ATM: variants seen among roughly 807,000 people sequenced by gnomAD.
The protein encoded by ATM is ATM serine/threonine kinase, also known as serine-protein kinase ATM.
Under a neutral mutation model 387.0 loss-of-function variants are expected in ATM, and 308 were observed. That is an observed-to-expected ratio of 0.80 (90% CI 0.73 to 0.87). The LOEUF is 0.87. Ranked by LOEUF, ATM falls within the 40% of genes least tolerant of loss-of-function variation. The probability of loss-of-function intolerance (pLI) is 0.00; values close to 1 mark genes in which losing one functional copy is unlikely to be tolerated. For synonymous variants in ATM, 1,156 were observed against 1,187.3 expected, an observed-to-expected ratio of 0.97 and a Z score of 0.54; for missense variants, 3,312 against 3,560.9, an observed-to-expected ratio of 0.93 and a Z score of 1.78.
chr11:108,241,738 C>CTTT (rs1235260816), intron 5 of ATM, among the ~76,000 whole-genome samples: 58 of 82,062 alleles, frequency 7.1e-4, no homozygotes, highest in East Asian at 1.3e-3. Flanking sequence ...GTCTTTCTTT[C>CTTT]TTTCTTTTTT....
rs2091440565 is a variant in ATM, at chr11:108,368,345, A to G, written c.*2837A>G. The stretch of plus-strand genomic sequence containing the variant: ...GGAACTCTTTCTGCAAATGACTAAG[A>G]TAGAAAACTGCCAAGGACAAATGAG... On this transcript the variant is annotated 3_prime_UTR_variant, in exon 63 of 63. Transcript: ENST00000675843. 1 of 212,416 alleles carries G rather than the reference A, an allele frequency of 4.7e-6. No homozygotes were observed. Among genetic ancestry groups the G allele is most frequent in the African/African-American group, 2.3e-5 (1 of 44,060 alleles). The allele number at this position is 212,416 out of a possible 1,614,324, so 13.2% of individuals were successfully genotyped here. A position where few individuals can be genotyped will look rare whatever the true frequency, so the allele number is the denominator to read the frequency against.
chr11:108,366,368 ATC>A lies in ATM; in HGVS notation c.*864_*865del, dbSNP rs758912299. ...TTTCTAATTATGCATCATTTTTCAG[ATC>A]TCTGTTTCTTGATGTCATTTTTAAT... On this transcript the variant is annotated 3_prime_UTR_variant, in exon 63 of 63. Coordinates refer to ENST00000675843, the MANE Select transcript of ATM (RefSeq NM_000051.4). The A allele has an allele frequency of 1.9e-4, 40 of 213,850 alleles. No homozygotes were observed. The highest frequency in any genetic ancestry group is 3.4e-4 in the Non-Finnish European group (36 of 106,372). 13.2% of individuals were successfully genotyped at this position (213,850 alleles called of 1,614,324 possible). A position where few individuals can be genotyped will look rare whatever the true frequency, so the allele number is the denominator to read the frequency against.
In ATM at chr11:108,334,062, G is replaced by T. The variant is rs191840075; in HGVS notation, c.8010+94G>T. On this transcript the variant is annotated intron_variant, in intron 54 of 62. Coordinates refer to ENST00000675843, the MANE Select transcript of ATM (RefSeq NM_000051.4). ...AGTATTTTTATGTAGGTCAAAATTG[G>T]TTAAATATTGGCAAATTTCATATGT... 147 of 975,790 alleles carry T rather than the reference G, an allele frequency of 1.5e-4. 2 individuals are homozygous for T. Among genetic ancestry groups the T allele is most frequent in the Non-Finnish European group, 1.3e-5 (8 of 623,300 alleles). The allele number at this position is 975,790 out of a possible 1,614,324, so 60.4% of individuals were successfully genotyped here.
At chr11:108,315,968 TGTGTGTAAAA>T in intron 41 of ATM, 33 bp from the exon 42 acceptor site, 1 of 1,608,604 alleles carries the variant, frequency 6.2e-7, no homozygotes, top group Non-Finnish European at 8.5e-7. Context: ...AGGAGTTATG[TGTGTGTAAAA>T]CCCAAAGCTA....
chr11:108,271,247 A>G lies in ATM; in HGVS notation c.2922-4A>G, dbSNP rs1555084924. The G allele has an allele frequency of 1.2e-6, 2 of 1,611,124 alleles. No homozygotes were observed. The highest frequency in any genetic ancestry group is 8.5e-7 in the Non-Finnish European group (1 of 1,179,380). ...GTTGAACTTTTTTTTTTTTTTTACC[A>G]CAGCAATGTGTGTTCTTTGTATCGT... On this transcript the variant is annotated splice_region_variant and splice_polypyrimidine_tract_variant and intron_variant, in intron 19 of 62. Coordinates refer to ENST00000675843, the MANE Select transcript of ATM (RefSeq NM_000051.4).
rs587782762 is a variant in ATM at position 108,281,119 on chromosome 11, T to A, written c.3527T>A (p.Leu1176Gln). 1 of 1,614,050 alleles carries A rather than the reference T, an allele frequency of 6.2e-7. No homozygotes were observed. The highest frequency in any genetic ancestry group is 2.2e-5 in the East Asian group (1 of 44,844). Residue 1176 changes from leucine (L) to glutamine (Q), a missense_variant, in exon 24 of 63, where the codon CTG (leucine) becomes CAG (glutamine). Physicochemically the swap from Leu to Gln is moderately radical, Grantham distance 113. Coordinates refer to ENST00000675843, the MANE Select transcript of ATM (RefSeq NM_000051.4). Reference sequence around the variant, plus strand: ...TGCGAAAAACAGGCTTTGTTTGCCCTGTGTAAATCTGTGAAAGAGAATGGA... The same window carrying A: ...TGCGAAAAACAGGCTTTGTTTGCCCAGTGTAAATCTGTGAAAGAGAATGGA... ...PICEKQALFA[L>Q]CKSVKENGLE...
chr11:108,228,670 T>C (rs941379428), intron 3 of ATM, among the ~76,000 whole-genome samples: 2 of 152,210 alleles, frequency 1.3e-5, no homozygotes, highest in African/African-American at 4.8e-5. Flanking sequence ...CCTCTGATTT[T>C]CTAGTTTATT....
intron 20 of ATM, among the ~76,000 whole-genome samples, chr11:108,272,328 A>C (rs1357214315): frequency 6.6e-6 from 1 of 152,256 alleles, no homozygotes; most frequent in East Asian, 1.9e-4. Context: ...AACAAATAAT[A>C]TACGCTAAAA....
chr11:108,269,180 C>A (rs540272768), intron 18 of ATM, among the ~76,000 whole-genome samples: 145 of 152,132 alleles, frequency 9.5e-4, no homozygotes, highest in Non-Finnish European at 1.8e-3. Context: ...TTCTGTTTAG[C>A]CACAGTATAA....
rs2084588118 is a variant in ATM at position 108,315,854 on chromosome 11, G to A, written c.6038G>A (p.Gly2013Glu). Residue 2013 changes from glycine to glutamate, a missense_variant, in exon 41 of 63, where the codon GGG becomes GAG. Gly to Glu is a moderately conservative substitution (Grantham distance 98, BLOSUM62 -2). Transcript: ENST00000675843. ...CTCTTAGAAATCTACAGAAGTATAG[G>A]GGAGCCAGATAGTTTGTATGGCTGT... ...DLLLEIYRSI[G>E]EPDSLYGCGG... 1 of 1,613,096 alleles carries A rather than the reference G, an allele frequency of 6.2e-7. No individual in the cohort carries two copies.
In ATM at chr11:108,266,824, C is replaced by T. The variant is rs1432678920; in HGVS notation, c.2467-347C>T. Reference sequence around the variant, plus strand: ...TTTTTTTTTTTTTGAGACAGAGTCTCGCTTCGTCAAACCCAGGCTGGAGTG... The same window carrying T: ...TTTTTTTTTTTTTGAGACAGAGTCTTGCTTCGTCAAACCCAGGCTGGAGTG... On this transcript the variant is annotated intron_variant, in intron 16 of 62. Transcript: ENST00000675843. Among the ~76,000 whole-genome samples, 53 of 134,610 alleles carry T rather than the reference C, an allele frequency of 3.9e-4. No homozygotes were observed. In the Middle Eastern group the frequency reaches 0.015, roughly 38 times the overall value. The allele number at this position is 134,610 out of a possible 152,430, so 88.3% of individuals were successfully genotyped here. A position where few individuals can be genotyped will look rare whatever the true frequency, so the allele number is the denominator to read the frequency against.
rs1565369355 is a variant in ATM at position 108,243,994 on chromosome 11, CA to C, written c.540del (p.Asp181MetfsTer6). 7 of 1,609,712 alleles carry C rather than the reference CA, an allele frequency of 4.3e-6. No individual in the cohort carries two copies. The highest frequency in any genetic ancestry group is 5.9e-6 in the Non-Finnish European group (7 of 1,177,768). ...CTTCAGGCTCTATCTGAAACCTTCA[CA>C]AGATGTTCATAGAGTTTTAGTGGCT... The part of the protein sequence containing the change: ...VYFRLYLKPS[Q>X]DVHRVLVARI... On this transcript the variant is annotated frameshift_variant, in exon 6 of 63. Transcript: ENST00000675843. LOFTEE classifies it high-confidence loss of function.
At chr11:108,339,229 A>G (rs970733917) in intron 56 of ATM, among the ~76,000 whole-genome samples, 2 of 152,206 alleles carry the variant, frequency 1.3e-5, no homozygotes, top group Non-Finnish European at 2.9e-5. Context: ...GAACAAGTCT[A>G]AAATCTTAGG....
intron 16 of ATM, among the ~76,000 whole-genome samples, chr11:108,261,093 G>T (rs894623329): frequency 8.5e-5 from 13 of 152,240 alleles, no homozygotes; most frequent in African/African-American, 2.9e-4. Context: ...GCTTGATTAG[G>T]TAAACAAAGC....
rs185957797 is a variant in ATM at position 108,234,563 on chromosome 11, A to G, written c.332-1107A>G. Reference sequence around the variant, plus strand: ...AATGACACAGGTACAGGGGTCAAGCACAGTGGCTCATACCTATAGTCTCAG... The same window carrying G: ...AATGACACAGGTACAGGGGTCAAGCGCAGTGGCTCATACCTATAGTCTCAG... On this transcript the variant is annotated intron_variant, in intron 4 of 62. Transcript: ENST00000675843. Among the ~76,000 whole-genome samples the G allele has an allele frequency of 2.6e-4, 39 of 152,368 alleles. No homozygotes were observed. The East Asian group carries it at 7.3e-3, about 29-fold the overall frequency.
chr11:108,268,093 G>T (rs2135518953), intron 17 of ATM, among the ~76,000 whole-genome samples: 1 of 152,046 alleles, frequency 6.6e-6, no homozygotes, highest in East Asian at 1.9e-4. Context: ...CCATTTTTCT[G>T]TCATAAATAC....
chr11:108,241,653 C>T (rs1327865514), intron 5 of ATM, among the ~76,000 whole-genome samples: 1 of 150,038 alleles, frequency 6.7e-6, no homozygotes, highest in Non-Finnish European at 1.5e-5. Context: ...CAGTATGTAT[C>T]ATTTTCAGAT....
At position 108,365,090 on chromosome 11, in the gene ATM, A is replaced by C. The variant is rs773994431; in HGVS notation, c.8859A>C (p.Leu2953=). The C allele has an allele frequency of 6.2e-7, 1 of 1,614,104 alleles. No individual in the cohort carries two copies. Among genetic ancestry groups the C allele is most frequent in the Non-Finnish European group, 8.5e-7 (1 of 1,179,958 alleles). The change falls in exon 62 of 63, where the codon CTA becomes CTC. Residue 2953 remains leucine, a synonymous_variant. Transcript: ENST00000675843. ...ETLLTIVEVL[L]YDPLFDWTMN... is the part of the protein sequence containing the mutation. ...ATGTTCTCTCTGTTTAGGTCCTTCT[A>C]TATGATCCACTCTTTGACTGGACCA...
At position 108,282,760 on chromosome 11, in the gene ATM, T is replaced by C. The variant is rs762605020; in HGVS notation, c.3627T>C (p.Phe1209=). The C allele has an allele frequency of 5.0e-6, 8 of 1,612,940 alleles. No homozygotes were observed. The East Asian group carries it at 6.7e-5, about 14-fold the overall frequency. The stretch of plus-strand genomic sequence containing the variant: ...TTGGATATAGACGTTTAGAAGACTT[T>C]ATGGCATCTCATTTAGATTATCTGG... ...ETFGYRRLED[F]MASHLDYLVL... The change falls in exon 25 of 63, where the codon TTT becomes TTC. Residue 1209 remains phenylalanine (F), a synonymous_variant. Coordinates refer to ENST00000675843, the MANE Select transcript of ATM (RefSeq NM_000051.4).
Sources: allele counts gnomAD v4.1 joint callset (sites outside exome capture counted in the v4.1 genomes callset), GRCh38; gene constraint gnomAD v4.1.1; transcripts MANE v1.5; gene names NCBI Gene and HGNC (gene_info 2026-07-23, HGNC 2026-07-21).